Variants in ADCY9 observed in about 807,000 individuals in gnomAD.
ADCY9 encodes the protein adenylate cyclase 9.
In ADCY9, 50 loss-of-function variants were observed where a neutral mutation model predicts 101.5. That is an observed-to-expected ratio of 0.49 (90% CI 0.39 to 0.62). The LOEUF (loss-of-function observed/expected upper bound fraction) is 0.62. ADCY9 is among the 20% of genes least tolerant of loss of function. The pLI, the probability that ADCY9 is intolerant of heterozygous loss-of-function variation, is 0.00. For synonymous variants in ADCY9, 905 were observed against 769.3 expected, an observed-to-expected ratio of 1.18 and a Z score of -2.92; for missense variants, 1,662 against 1,800.4, an observed-to-expected ratio of 0.92 and a Z score of 1.39.
chr16:4,004,788 G>A (rs576235103), intron 3 of ADCY9, among the ~76,000 whole-genome samples: 4 of 152,312 alleles, frequency 2.6e-5, no homozygotes, highest in Non-Finnish European at 4.4e-5. Context: ...AGGGAACAGC[G>A]TTATCAGCTG....
intron 2 of ADCY9, among the ~76,000 whole-genome samples, chr16:4,100,743 C>A (rs200782923): frequency 5.2e-3 from 593 of 114,504 alleles, no homozygotes; most frequent in African/African-American, 5.6e-3. Flanking sequence ...ACTCTTGTCT[C>A]AAAAAAAAAA....
intron 10 of ADCY9, 76 bp from the exon 11 acceptor site, chr16:3,967,042 G>A (rs1051682802): frequency 1.1e-5 from 14 of 1,269,754 alleles, no homozygotes; most frequent in Non-Finnish European, 1.4e-5. Flanking sequence ...CGCTAGCTAC[G>A]CAAAGCTTTG....
intron 3 of ADCY9, among the ~76,000 whole-genome samples, chr16:4,003,351 C>A (rs1346203373): frequency 6.6e-6 from 1 of 152,130 alleles, no homozygotes; most frequent in Non-Finnish European, 1.5e-5. Context: ...TCCCAGTCCT[C>A]CATGGCTCCG....
Position 4,114,997 on chromosome 16 carries a change from G to A in ADCY9, c.446C>T (p.Ala149Val). 6.2e-7 allele frequency: 1 copy of A among 1,614,088 alleles called. No individual in the cohort carries two copies. Among genetic ancestry groups the A allele is most frequent in the Non-Finnish European group, 8.5e-7 (1 of 1,180,034 alleles). The change falls in exon 2 of 11, where the codon GCG becomes GTG. Residue 149 changes from alanine to valine, a missense_variant. Around this residue, in one of 5 missense-constraint regions of ADCY9, gnomAD observed 422 missense variants for 392.0 expected, o/e 1.08. Coordinates refer to ENST00000294016, the MANE Select transcript of ADCY9 (RefSeq NM_001116.4). This position sits in a 1 kb window ranked among gnomAD's most constrained non-coding sequence, Gnocchi z 4.3. Reference sequence around the variant, plus strand: ...CACACACACCAGGAGGAAGCACAGCGCGGGGGCGACCATGACGATCAGTCT... The same window carrying A: ...CACACACACCAGGAGGAAGCACAGCACGGGGGCGACCATGACGATCAGTCT... Reference protein sequence around the residue: ...RSRLIVMVAPALCFLLVCVGF... With the variant: ...RSRLIVMVAPVLCFLLVCVGF...
chr16:4,083,517 G>A (rs1037030259), intron 2 of ADCY9, among the ~76,000 whole-genome samples: 1 of 152,112 alleles, frequency 6.6e-6, no homozygotes, highest in Non-Finnish European at 1.5e-5. Flanking sequence ...ACATACCCAA[G>A]AGAAATGAAA....
intron 3 of ADCY9, among the ~76,000 whole-genome samples, chr16:4,007,070 T>C (rs2056371646): frequency 6.6e-6 from 1 of 152,080 alleles, no homozygotes; most frequent in Non-Finnish European, 1.5e-5. Flanking sequence ...ATCACCAGCT[T>C]CTAGAAATCC....
intron 2 of ADCY9, among the ~76,000 whole-genome samples, chr16:4,024,423 C>T (rs946182717): frequency 6.6e-6 from 1 of 152,176 alleles, no homozygotes; most frequent in Non-Finnish European, 1.5e-5. Flanking sequence ...CTTCTCCTAA[C>T]GTGAATGTCT....
At position 4,115,314 on chromosome 16, in the gene ADCY9, G is replaced by C. The variant is rs1488951440; in HGVS notation, c.129C>G (p.Pro43=). The C allele has an allele frequency of 1.2e-6, 2 of 1,613,768 alleles. No homozygotes were observed. The highest frequency in any genetic ancestry group is 1.7e-6 in the Non-Finnish European group (2 of 1,179,868). Residue 43 remains proline (P), a synonymous_variant, in exon 2 of 11, where the codon CCC becomes CCG. Transcript: ENST00000294016. The surrounding 1 kb of genome is among the most constrained non-coding windows in gnomAD (Gnocchi z 6.2). ...NPKQLSSNSH[P]KHCKYSISSS... is the part of the protein sequence containing the mutation. Reference sequence around the variant, plus strand: ...AGGAGATGCTGTATTTGCAGTGCTTGGGGTGGCTGTTGGAGGACAGCTGCT... The same window carrying C: ...AGGAGATGCTGTATTTGCAGTGCTTCGGGTGGCTGTTGGAGGACAGCTGCT...
chr16:3,986,253 C>A (rs952923776), intron 6 of ADCY9, among the ~76,000 whole-genome samples: 1 of 152,214 alleles, frequency 6.6e-6, no homozygotes, highest in Non-Finnish European at 1.5e-5. Context: ...AACGCACCCA[C>A]GTGGAGCCCC....
rs2056374708 is a variant in ADCY9, at chr16:4,007,510, C to G, written c.1742G>C (p.Cys581Ser). 1 of 1,613,156 alleles carries G rather than the reference C, an allele frequency of 6.2e-7. No individual in the cohort carries two copies. ...ISGQRAKESR[C>S]SCAEALLSGF... The stretch of plus-strand genomic sequence containing the variant: ...AGAAAGCAAGGCCTCTGCACAGCTG[C>G]AGCGAGACTCCTTGGCTCTCTGACC... Residue 581 changes from cysteine (C) to serine (S), a missense_variant, in exon 3 of 11, where the codon TGC (cysteine) becomes TCC (serine). By Grantham distance (112) the Cys-to-Ser change is moderately radical. Transcript: ENST00000294016.
At chr16:4,011,810 A>C (rs150767144) in intron 2 of ADCY9, among the ~76,000 whole-genome samples, 1,786 of 151,944 alleles carry the variant, frequency 0.012, 41 homozygotes, top group African/African-American at 0.041. Context: ...CAGTTTCCTC[A>C]TCTCTAAGGG....
At chr16:3,985,975 C>T (rs896401811) in intron 6 of ADCY9, among the ~76,000 whole-genome samples, 19 of 24,358 alleles carry the variant, frequency 7.8e-4, no homozygotes, top group African/African-American at 1.8e-3. Flanking sequence ...GCCCTCTCTC[C>T]CCATGGGCGA....
intron 2 of ADCY9, among the ~76,000 whole-genome samples, chr16:4,034,649 C>T (rs989934872): frequency 2.0e-5 from 3 of 152,104 alleles, no homozygotes; most frequent in African/African-American, 7.2e-5. Flanking sequence ...AAACTCCTGA[C>T]CTCAAGTGAT....
chr16:3,968,815 C>T (rs564626964), intron 10 of ADCY9, among the ~76,000 whole-genome samples: 35 of 151,820 alleles, frequency 2.3e-4, no homozygotes, highest in African/African-American at 7.5e-4. Context: ...TCCAAATTGC[C>T]CTTCTAAACA....
chr16:3,998,377 C>T (rs2056303809), intron 3 of ADCY9, among the ~76,000 whole-genome samples: 2 of 152,170 alleles, frequency 1.3e-5, no homozygotes, highest in South Asian at 4.1e-4. Context: ...TGCCACTGTA[C>T]TGCAGACTGG....
chr16:4,062,985 T>A (rs1278368524), intron 2 of ADCY9, among the ~76,000 whole-genome samples: 1 of 152,182 alleles, frequency 6.6e-6, no homozygotes, highest in Non-Finnish European at 1.5e-5. Flanking sequence ...AACAGCATTG[T>A]CAACCAACCT....
At chr16:4,113,374 G>A (rs911533785) in intron 2 of ADCY9, among the ~76,000 whole-genome samples, 4 of 152,192 alleles carry the variant, frequency 2.6e-5, no homozygotes, top group Non-Finnish European at 4.4e-5. Flanking sequence ...TGGGACTTCA[G>A]GGTGACCAAA....
chr16:4,111,314 T>A (rs1446818618), intron 2 of ADCY9, among the ~76,000 whole-genome samples: 1 of 152,138 alleles, frequency 6.6e-6, no homozygotes, highest in Non-Finnish European at 1.5e-5. Flanking sequence ...AAGACAGAGT[T>A]GCTCTGTCGC....
At chr16:4,076,115 G>A (rs1274281626) in intron 2 of ADCY9, among the ~76,000 whole-genome samples, 1 of 152,184 alleles carries the variant, frequency 6.6e-6, no homozygotes, top group East Asian at 1.9e-4. Flanking sequence ...GATCACTTGA[G>A]CCCACGAGTT....
Sources: gnomAD v4.1 joint callset for allele counts (sites outside exome capture counted in the v4.1 genomes callset) on GRCh38, gnomAD v4.1.1 for gene constraint, gnomAD v4.1.1 regional missense constraint, Gnocchi (gnomAD v3.1) non-coding constraint, MANE v1.5 for transcripts, NCBI Gene and HGNC (gene_info 2026-07-23, HGNC 2026-07-21) for gene names.